Variants in CDH18 observed in about 807,000 individuals in gnomAD.
CDH18 encodes the protein cadherin-18.
In CDH18, 31 loss-of-function variants were observed where a neutral mutation model predicts 67.9. The observed-to-expected ratio is 0.46, with a 90% CI of 0.34 to 0.62. CDH18 has a LOEUF of 0.62. CDH18 is among the 20% of genes least tolerant of loss of function. CDH18 has a pLI of 0.01. For missense variants in CDH18, 890 were observed against 975.5 expected (o/e 0.91, Z 1.17); for synonymous variants, 362 against 347.2 (o/e 1.04, Z -0.48).
chr5:20,241,711 C>T (rs996088585), intron 2 of CDH18, among the ~76,000 whole-genome samples: 3 of 151,124 alleles, frequency 2.0e-5, no homozygotes, highest in Non-Finnish European at 4.4e-5. Flanking sequence ...ATTAGCCAGG[C>T]GTGGTTGGGG....
chr5:20,473,056 A>T (rs1463292761), intron 1 of CDH18, among the ~76,000 whole-genome samples: 1 of 152,186 alleles, frequency 6.6e-6, no homozygotes, highest in Non-Finnish European at 1.5e-5. Flanking sequence ...TTACAGTTTT[A>T]CAGTAAGGAA....
intron 1 of CDH18, among the ~76,000 whole-genome samples, chr5:20,392,925 A>T (rs1176676836): frequency 6.6e-6 from 1 of 151,876 alleles, no homozygotes; most frequent in Non-Finnish European, 1.5e-5. Flanking sequence ...ACTGAAACAT[A>T]TACTCACCAT....
chr5:19,635,966 T>C (rs942313037), intron 5 of CDH18, among the ~76,000 whole-genome samples: 16 of 152,142 alleles, frequency 1.1e-4, no homozygotes, highest in Admixed American at 7.2e-4. Context: ...AAAATGTTGT[T>C]GAAAGTAAAG....
chr5:19,578,787 G>A (rs1403961503), intron 7 of CDH18, among the ~76,000 whole-genome samples: 1 of 151,278 alleles, frequency 6.6e-6, no homozygotes, highest in Non-Finnish European at 1.5e-5. Context: ...TAGAAATTCT[G>A]CAATTTGTTT....
At chr5:19,531,090 C>A (rs993970653) in intron 9 of CDH18, among the ~76,000 whole-genome samples, 1 of 152,160 alleles carries the variant, frequency 6.6e-6, no homozygotes, top group Non-Finnish European at 1.5e-5. Context: ...ATTTGGCCAT[C>A]TTGGCTCCAC....
At chr5:20,234,947 A>G (rs917371994) in intron 2 of CDH18, among the ~76,000 whole-genome samples, 7 of 152,132 alleles carry the variant, frequency 4.6e-5, no homozygotes, top group African/African-American at 1.7e-4. Flanking sequence ...TTCAGTCTAC[A>G]TTACATTGCA....
chr5:19,862,152 A>T (rs1302411188), intron 2 of CDH18, among the ~76,000 whole-genome samples: 1 of 152,192 alleles, frequency 6.6e-6, no homozygotes, highest in Non-Finnish European at 1.5e-5. Flanking sequence ...TGTTGGTATT[A>T]ATCTAATAAG....
intron 3 of CDH18, among the ~76,000 whole-genome samples, chr5:19,777,396 G>C (rs1350810595): frequency 6.6e-6 from 1 of 152,184 alleles, no homozygotes; most frequent in African/African-American, 2.4e-5. Flanking sequence ...CAAGATAACA[G>C]ATGGAAGGCA....
chr5:20,339,776 T>C (rs1301789103), intron 1 of CDH18, among the ~76,000 whole-genome samples: 2 of 152,320 alleles, frequency 1.3e-5, no homozygotes, highest in East Asian at 3.9e-4. Flanking sequence ...CGGATAATGC[T>C]GATATGTATA....
chr5:20,319,566 CA>C (rs538465210), intron 1 of CDH18, among the ~76,000 whole-genome samples: 35 of 152,158 alleles, frequency 2.3e-4, no homozygotes, highest in African/African-American at 8.4e-4. Flanking sequence ...TTATTTGTTT[CA>C]GATAAATTGC....
chr5:19,666,907 G>C (rs571650888), intron 5 of CDH18, among the ~76,000 whole-genome samples: 1 of 151,960 alleles, frequency 6.6e-6, no homozygotes, highest in Non-Finnish European at 1.5e-5. Context: ...ATGGAGAAAA[G>C]ATATATAAAG....
chr5:20,089,659 A>T (rs1380341103), intron 2 of CDH18, among the ~76,000 whole-genome samples: 1 of 152,100 alleles, frequency 6.6e-6, no homozygotes, highest in Non-Finnish European at 1.5e-5. Context: ...TTTTGGCAAA[A>T]GCTGTGTAAA....
At chr5:19,791,382 C>CACACACACACAT (rs1329295607) in intron 3 of CDH18, among the ~76,000 whole-genome samples, 2 of 151,670 alleles carry the variant, frequency 1.3e-5, no homozygotes, top group Non-Finnish European at 2.9e-5. Flanking sequence ...CACACACACA[C>CACACACACACAT]ACACACACAT....
intron 1 of CDH18, among the ~76,000 whole-genome samples, chr5:20,348,056 C>T (rs1025127226): frequency 1.3e-5 from 2 of 152,176 alleles, no homozygotes; most frequent in African/African-American, 4.8e-5. Flanking sequence ...GACTGCAACA[C>T]TCTCAACTCT....
At chr5:19,722,513 G>C (rs1405264416) in intron 4 of CDH18, among the ~76,000 whole-genome samples, 1 of 148,344 alleles carries the variant, frequency 6.7e-6, no homozygotes, top group Non-Finnish European at 1.5e-5. Flanking sequence ...GTATGATCGT[G>C]TCTTTGTGCT....
At chr5:20,225,386 T>C (rs1741539149) in intron 2 of CDH18, among the ~76,000 whole-genome samples, 1 of 152,056 alleles carries the variant, frequency 6.6e-6, no homozygotes, top group Non-Finnish European at 1.5e-5. Context: ...AATAGATAAA[T>C]GCATAAAGGA....
In CDH18 at chr5:19,902,556, G is replaced by GCTAAACCTCTAGATAAGGACAAGCAAC. The variant is rs576663437; in HGVS notation, c.-256-63341_-256-63315dup. On this transcript the variant is annotated intron_variant, in intron 2 of 12. Transcript: ENST00000382275. The stretch of plus-strand genomic sequence containing the variant: ...CTTGGAAGTGGATACTCTAGCCCCA[G>GCTAAACCTCTAGATAAGGACAAGCAAC]CTAAACCTCTAGATAAGGACAAGCA... Among the ~76,000 whole-genome samples the GCTAAACCTCTAGATAAGGACAAGCAAC allele has an allele frequency of 2.8e-3, 423 of 152,278 alleles. 2 individuals carry two copies. Among genetic ancestry groups the GCTAAACCTCTAGATAAGGACAAGCAAC allele is most frequent in the African/African-American group, 9.8e-3 (408 of 41,530 alleles).
At position 19,743,082 on chromosome 5, in the gene CDH18, T is replaced by C. The variant is rs528473992; in HGVS notation, c.523+3860A>G. Among the ~76,000 whole-genome samples the C allele has an allele frequency of 3.6e-3, 556 of 152,354 alleles. 7 individuals are homozygous for C. Among genetic ancestry groups the C allele is most frequent in the African/African-American group, 0.012 (519 of 41,600 alleles). ...ATTTCCTTTAGATATCTTCTGTGCA[T>C]GTACATGCATATTCTGCAACACAGC... On this transcript the variant is annotated intron_variant, in intron 4 of 12. Transcript: ENST00000382275.
chr5:20,077,374 A>G (rs1027661965), intron 2 of CDH18, among the ~76,000 whole-genome samples: 1 of 152,208 alleles, frequency 6.6e-6, no homozygotes, highest in African/African-American at 2.4e-5. Flanking sequence ...CGTGCTATTC[A>G]GCTGAACAAG....
Sources: allele counts gnomAD v4.1 joint callset (sites outside exome capture counted in the v4.1 genomes callset), GRCh38; gene constraint gnomAD v4.1.1; transcripts MANE v1.5; gene names NCBI Gene and HGNC (gene_info 2026-07-23, HGNC 2026-07-21).